WDR26: variants seen among roughly 807,000 people sequenced by gnomAD.
The protein encoded by WDR26 is WD repeat domain 26.
In WDR26, 5 loss-of-function variants were observed where a neutral mutation model predicts 84.1. That is an observed-to-expected ratio of 0.06 (90% CI 0.03 to 0.13). The LOEUF is 0.13. Among genes scored for constraint, WDR26 ranks in the 10% least tolerant of loss-of-function variants. WDR26 has a pLI of 1.00. For synonymous variants in WDR26, 415 were observed against 389.6 expected, an observed-to-expected ratio of 1.07 and a Z score of -0.77; for missense variants, 642 against 974.9, an observed-to-expected ratio of 0.66 and a Z score of 4.55.
intron 6 of WDR26, among the ~76,000 whole-genome samples, chr1:224,414,929 G>C (rs943600668): frequency 6.6e-6 from 1 of 152,198 alleles, no homozygotes; most frequent in African/African-American, 2.4e-5. Context: ...CTCAGGCTGA[G>C]ACGGGAGTTC....
intron 9 of WDR26, among the ~76,000 whole-genome samples, chr1:224,400,294 T>TC (rs1673376671): frequency 3.3e-5 from 5 of 151,544 alleles, no homozygotes; most frequent in Admixed American, 2.6e-4. Context: ...TTCAGTGTTT[T>TC]TTTTTTTTGG....
At chr1:224,390,009 G>A in intron 13 of WDR26, 149 bp from the exon 14 acceptor site, 1 of 596,486 alleles carries the variant, frequency 1.7e-6, no homozygotes, top group Non-Finnish European at 2.9e-6. Flanking sequence ...GCAAATTCTT[G>A]AAACTTTCAT....
intron 9 of WDR26, 143 bp downstream of exon 9, chr1:224,400,807 A>G (rs1441643894): frequency 1.7e-6 from 2 of 1,162,248 alleles, no homozygotes; most frequent in Non-Finnish European, 2.3e-6. Context: ...CGGCCTCCCA[A>G]AGTGCTGGGA....
At position 224,433,820 on chromosome 1, in the gene WDR26, A is replaced by G; in HGVS notation, c.586T>C (p.Ser196Pro). Residue 196 changes from serine to proline, a missense_variant, in exon 1 of 14, where the codon TCC becomes CCC. Around this residue, in one of 2 missense-constraint regions of WDR26, gnomAD observed 291 missense variants for 302.1 expected, o/e 0.96. Coordinates refer to ENST00000414423, the MANE Select transcript of WDR26 (RefSeq NM_001379403.1). The stretch of plus-strand genomic sequence containing the variant: ...GAAGAGGAGGCGGCGGTGGTGGCGG[A>G]GGCAGCTGCGACGGTGGCTGAGGAT... The G allele has an allele frequency of 6.5e-7, 1 of 1,536,720 alleles. No homozygotes were observed. The highest frequency in any genetic ancestry group is 8.7e-7 in the Non-Finnish European group (1 of 1,146,726).
rs912471203 is a variant in WDR26 at position 224,420,791 on chromosome 1, G to A, written c.1065-1176C>T. Among the ~76,000 whole-genome samples the A allele has an allele frequency of 6.6e-4, 100 of 152,008 alleles. 2 individuals are homozygous for A. Among genetic ancestry groups the A allele is most frequent in the Admixed American group, 6.6e-3 (100 of 15,260 alleles). ...TTTTTTGTATTTTTAGTAGAGACAG[G>A]GTTTCACCATGTTAGCCAGGATGGT... On this transcript the variant is annotated intron_variant, in intron 4 of 13. Coordinates refer to ENST00000414423, the MANE Select transcript of WDR26 (RefSeq NM_001379403.1).
chr1:224,399,389 G>A (rs1416454454), intron 9 of WDR26, among the ~76,000 whole-genome samples: 1 of 152,050 alleles, frequency 6.6e-6, no homozygotes, highest in African/African-American at 2.4e-5. Context: ...TCACTATACT[G>A]GAATTTGTCC....
intron 7 of WDR26, among the ~76,000 whole-genome samples, chr1:224,410,877 G>A (rs1673720448): frequency 1.3e-5 from 2 of 151,112 alleles, no homozygotes; most frequent in African/African-American, 4.9e-5. Context: ...TTTTTGTAGT[G>A]ACAGACTCTC....
chr1:224,404,295 C>G (rs971863947), intron 8 of WDR26, 135 bp downstream of exon 8: 14 of 1,069,642 alleles, frequency 1.3e-5, no homozygotes, highest in Middle Eastern at 2.8e-4. Context: ...TTGGGTTCCA[C>G]TTGAATAACT....
chr1:224,425,436 T>C (rs576542581), intron 3 of WDR26, among the ~76,000 whole-genome samples: 2 of 152,380 alleles, frequency 1.3e-5, no homozygotes, highest in African/African-American at 4.8e-5. Context: ...GAAATTATTA[T>C]TCGCTCTTTT....
At chr1:224,433,548 G>C in intron 1 of WDR26, 136 bp downstream of exon 1, 4 of 1,243,722 alleles carry the variant, frequency 3.2e-6, no homozygotes, top group Non-Finnish European at 4.3e-6. Context: ...TGTGTACTGG[G>C]TCCTGCGTGC....
At chr1:224,432,238 T>C (rs1558448554) in intron 1 of WDR26, among the ~76,000 whole-genome samples, 1 of 152,234 alleles carries the variant, frequency 6.6e-6, no homozygotes, top group South Asian at 2.1e-4. Context: ...TAGGTCAATC[T>C]TTAAAATTAA....
intron 12 of WDR26, among the ~76,000 whole-genome samples, chr1:224,395,246 G>A (rs1344320043): frequency 3.3e-5 from 5 of 152,172 alleles, no homozygotes; most frequent in African/African-American, 1.2e-4. Flanking sequence ...AAGGTGTTTG[G>A]AATAAACACC....
At chr1:224,407,151 A>AAAAAAAAAGAATATATATATAT in intron 7 of WDR26, among the ~76,000 whole-genome samples, 2 of 11,876 alleles carry the variant, frequency 1.7e-4, no homozygotes, top group Non-Finnish European at 2.8e-4. Flanking sequence ...AAAAAAAAAA[A>AAAAAAAAAGAATATATATATAT]ATATATATAT....
chr1:224,393,958 T>C lies in WDR26; in HGVS notation c.2130A>G (p.Thr710=), dbSNP rs1440407406. ...CACAGTTTACTGTACGTGTGTGCCC[T>C]GTCAGCTCCGCAATTGGCAGTTCAC... Residue 710 remains threonine, a synonymous_variant, in exon 13 of 14, where the codon ACA becomes ACG. Coordinates refer to ENST00000414423, the MANE Select transcript of WDR26 (RefSeq NM_001379403.1). 6.4e-7 allele frequency: 1 copy of C among 1,560,000 alleles called. No homozygotes were observed. Among genetic ancestry groups the C allele is most frequent in the South Asian group, 1.2e-5 (1 of 86,346 alleles).
At chr1:224,406,171 G>A (rs1299045164) in intron 7 of WDR26, among the ~76,000 whole-genome samples, 1 of 152,072 alleles carries the variant, frequency 6.6e-6, no homozygotes, top group Non-Finnish European at 1.5e-5. Flanking sequence ...GACAACATAG[G>A]GAGATCCCTG....
At chr1:224,422,253 A>G (rs1212676712) in intron 4 of WDR26, among the ~76,000 whole-genome samples, 1 of 152,204 alleles carries the variant, frequency 6.6e-6, no homozygotes, top group Non-Finnish European at 1.5e-5. Flanking sequence ...GAGTGTCACT[A>G]GAGTAATGAA....
In WDR26 at chr1:224,434,291, C is replaced by A. The variant is rs927311695; in HGVS notation, c.115G>T (p.Val39Leu). ...CCTGCCGAAGCCCCGGGCTCTCCTA[C>A]TCCCTCCGCCGCCGAGGCTCGGGGT... Residue 39 changes from valine to leucine, a missense_variant, in exon 1 of 14, where the codon GTA (valine) becomes TTA (leucine). Physicochemically the swap from Val to Leu is conservative, Grantham distance 32. This residue lies in a region of WDR26 where 291 missense variants were observed against 302.1 expected (regional missense o/e 0.96). Transcript: ENST00000414423. 1 of 1,240,012 alleles carries A rather than the reference C, an allele frequency of 8.1e-7. No homozygotes were observed. Among genetic ancestry groups the A allele is most frequent in the Non-Finnish European group, 1.0e-6 (1 of 992,496 alleles). 76.8% of individuals were successfully genotyped at this position (1,240,012 alleles called of 1,614,324 possible).
At chr1:224,418,906 G>C (rs746636997) in intron 5 of WDR26, among the ~76,000 whole-genome samples, 17 of 152,154 alleles carry the variant, frequency 1.1e-4, no homozygotes, top group Non-Finnish European at 2.1e-4. Context: ...CAAAGATACT[G>C]TGTGAATTCA....
At chr1:224,392,766 T>A (rs930869095) in intron 13 of WDR26, among the ~76,000 whole-genome samples, 2 of 151,774 alleles carry the variant, frequency 1.3e-5, no homozygotes, top group Admixed American at 1.3e-4. Flanking sequence ...CAGTAAGATG[T>A]GGCCAAGCCT....
Sources: gnomAD v4.1 joint callset for allele counts (sites outside exome capture counted in the v4.1 genomes callset) on GRCh38, gnomAD v4.1.1 for gene constraint, gnomAD v4.1.1 regional missense constraint, MANE v1.5 for transcripts, NCBI Gene and HGNC (gene_info 2026-07-23, HGNC 2026-07-21) for gene names.